The following RALGPS2 variants were observed in gnomAD, a reference collection of about 807,000 sequenced individuals.
RALGPS2 encodes ras-specific guanine nucleotide-releasing factor RalGPS2.
Under a neutral mutation model 86.8 loss-of-function variants are expected in RALGPS2, and 43 were observed. The ratio of observed to expected loss-of-function variants is 0.50; its 90% CI spans 0.39 to 0.64. The LOEUF (loss-of-function observed/expected upper bound fraction) is 0.64, where lower values mean the gene tolerates loss of function less well. RALGPS2 is among the 30% of genes least tolerant of loss of function. RALGPS2 has a pLI of 0.00. For synonymous variants in RALGPS2, 243 were observed against 231.3 expected (o/e 1.05, Z -0.46); for missense variants, 536 against 694.6 (o/e 0.77, Z 2.57).
At chr1:178,726,684 G>GAGAGCCC (rs1170291941) in intron 1 of RALGPS2, among the ~76,000 whole-genome samples, 1 of 152,020 alleles carries the variant, frequency 6.6e-6, no homozygotes, top group Non-Finnish European at 1.5e-5. Flanking sequence ...AGTTGCTATA[G>GAGAGCCC]AGAGCCTTTT....
chr1:178,848,676 A>G (rs959207069), intron 8 of RALGPS2, among the ~76,000 whole-genome samples: 1 of 152,178 alleles, frequency 6.6e-6, no homozygotes, highest in Non-Finnish European at 1.5e-5. Flanking sequence ...TTTTTGAGAA[A>G]GAGTCTAACT....
chr1:178,733,820 C>T (rs1004970013), intron 1 of RALGPS2, among the ~76,000 whole-genome samples: 20 of 152,110 alleles, frequency 1.3e-4, no homozygotes, highest in South Asian at 4.1e-4. Flanking sequence ...AGGATTCTTA[C>T]GTATGACACA....
chr1:178,801,516 G>C (rs1023632604), intron 4 of RALGPS2, among the ~76,000 whole-genome samples: 1 of 152,100 alleles, frequency 6.6e-6, no homozygotes, highest in Non-Finnish European at 1.5e-5. Flanking sequence ...GTGGATTGTG[G>C]CTTCATTTTT....
intron 4 of RALGPS2, among the ~76,000 whole-genome samples, chr1:178,795,760 C>T (rs77684352): frequency 0.036 from 5,521 of 152,084 alleles, 122 homozygotes; most frequent in Middle Eastern, 0.058. Context: ...GAGATATTTC[C>T]GACAGTATAT....
intron 8 of RALGPS2, chr1:178,865,717 A>G (rs1370675960): frequency 1.2e-6 from 2 of 1,613,572 alleles, no homozygotes; most frequent in Admixed American, 3.3e-5. Flanking sequence ...CACCTCTGCA[A>G]TGTCCAGTGT....
At chr1:178,849,166 T>C (rs948856892) in intron 8 of RALGPS2, among the ~76,000 whole-genome samples, 2 of 152,214 alleles carry the variant, frequency 1.3e-5, no homozygotes, top group South Asian at 2.1e-4. Context: ...CAGGCTGAGA[T>C]AGGAGTTTAT....
chr1:178,897,353 ACTT>A (rs1659994508), intron 16 of RALGPS2, among the ~76,000 whole-genome samples: 1 of 152,066 alleles, frequency 6.6e-6, no homozygotes, highest in African/African-American at 2.4e-5. Context: ...TGTAAAGCAA[ACTT>A]CTTTAAAAAG....
chr1:178,828,459 A>G (rs1436305670), intron 7 of RALGPS2, among the ~76,000 whole-genome samples: 1 of 152,212 alleles, frequency 6.6e-6, no homozygotes, highest in Non-Finnish European at 1.5e-5. Flanking sequence ...TGGAAACAGC[A>G]CAGTAAAAAA....
In RALGPS2 at chr1:178,888,052, G is replaced by A. The variant is rs75679674; in HGVS notation, c.1193-1590G>A. On this transcript the variant is annotated intron_variant, in intron 13 of 19. Coordinates refer to ENST00000367635, the MANE Select transcript of RALGPS2 (RefSeq NM_152663.5). ...TTTACTTTTCATGGATGTCCTTTTG[G>A]CTACCAAAAGATTATTGTTTAGTTA... Among the ~76,000 whole-genome samples, 926 of 152,002 alleles carry A rather than the reference G, an allele frequency of 6.1e-3. 10 individuals are homozygous for A. Among genetic ancestry groups the A allele is most frequent in the African/African-American group, 0.021 (885 of 41,482 alleles).
chr1:178,825,404 A>G (rs1655701094), intron 7 of RALGPS2, among the ~76,000 whole-genome samples: 1 of 152,160 alleles, frequency 6.6e-6, no homozygotes, highest in African/African-American at 2.4e-5. Flanking sequence ...GTGGAGTCAA[A>G]TAATCACTGG....
chr1:178,812,416 A>T (rs551280275), intron 6 of RALGPS2, among the ~76,000 whole-genome samples: 7 of 152,266 alleles, frequency 4.6e-5, no homozygotes, highest in Non-Finnish European at 1.0e-4. Context: ...GGGGTCGCCT[A>T]TGGTTGAGTT....
chr1:178,866,954 T>C (rs1658452326), intron 8 of RALGPS2, among the ~76,000 whole-genome samples: 1 of 152,116 alleles, frequency 6.6e-6, no homozygotes, highest in East Asian at 1.9e-4. Flanking sequence ...GGGTAAGGTA[T>C]GTTCACTCTG....
intron 8 of RALGPS2, chr1:178,851,225 G>C: frequency 6.2e-7 from 1 of 1,614,004 alleles, no homozygotes; most frequent in Non-Finnish European, 8.5e-7. Flanking sequence ...GCTTGCTTCT[G>C]TAATGGCCTC....
Position 178,801,780 on chromosome 1 carries a change from A to G in RALGPS2, c.214-6265A>G, listed in dbSNP as rs535338005. On this transcript the variant is annotated intron_variant, in intron 4 of 19. Coordinates refer to ENST00000367635, the MANE Select transcript of RALGPS2 (RefSeq NM_152663.5). The stretch of plus-strand genomic sequence containing the variant: ...AAATTCAAGAGCTAATAAACACCAC[A>G]CCAGAGGAATTAACAAAAGGTGACT... Among the ~76,000 whole-genome samples, 12 of 135,862 alleles carry G rather than the reference A, an allele frequency of 8.8e-5. 1 individual carries two copies. The South Asian group carries it at 3.3e-3, about 37-fold the overall frequency. The allele number at this position is 135,862 out of a possible 152,430, so 89.1% of individuals were successfully genotyped here.
chr1:178,792,550 T>C (rs1018161636), intron 4 of RALGPS2, among the ~76,000 whole-genome samples: 2 of 152,188 alleles, frequency 1.3e-5, no homozygotes, highest in African/African-American at 2.4e-5. Flanking sequence ...TTGTTGGGAC[T>C]GAGATTGGTC....
At chr1:178,784,980 A>G (rs1653578620) in intron 3 of RALGPS2, among the ~76,000 whole-genome samples, 1 of 152,020 alleles carries the variant, frequency 6.6e-6, no homozygotes, top group African/African-American at 2.4e-5. Flanking sequence ...TAATTTGTTA[A>G]CAGAATATAT....
chr1:178,914,871 T>A (rs746796106), intron 19 of RALGPS2, among the ~76,000 whole-genome samples: 144 of 152,330 alleles, frequency 9.5e-4, no homozygotes, highest in Non-Finnish European at 1.8e-3. Context: ...CAGATCAGGC[T>A]TTGTCTAGAC....
chr1:178,835,494 G>A (rs1338635898), intron 8 of RALGPS2, among the ~76,000 whole-genome samples: 2 of 150,664 alleles, frequency 1.3e-5, no homozygotes, highest in East Asian at 3.9e-4. Flanking sequence ...CTGGGTTCAA[G>A]TGATTCTCCT....
intron 4 of RALGPS2, 80 bp from the exon 5 acceptor site, chr1:178,807,965 C>T: frequency 1.2e-6 from 1 of 851,560 alleles, no homozygotes; most frequent in East Asian, 2.5e-5. Context: ...CACAAACTGT[C>T]TTTAATGTTT....
Sources: allele counts gnomAD v4.1 joint callset (sites outside exome capture counted in the v4.1 genomes callset), GRCh38; gene constraint gnomAD v4.1.1; transcripts MANE v1.5; gene names NCBI Gene and HGNC (gene_info 2026-07-23, HGNC 2026-07-21).